CSNK2A2: variants seen among roughly 807,000 people sequenced by gnomAD.
CSNK2A2 encodes the protein casein kinase II subunit alpha'.
Under a neutral mutation model 54.0 loss-of-function variants are expected in CSNK2A2, and 8 were observed. That is an observed-to-expected ratio of 0.15 (90% confidence interval 0.09 to 0.27). The LOEUF (loss-of-function observed/expected upper bound fraction) is 0.27, where lower values mean the gene tolerates loss of function less well. CSNK2A2 is among the 10% of genes least tolerant of loss of function. The pLI, the probability that CSNK2A2 is intolerant of heterozygous loss-of-function variation, is 1.00. For missense variants in CSNK2A2, 242 were observed against 439.4 expected, an observed-to-expected ratio of 0.55 and a Z score of 4.02; for synonymous variants, 141 against 153.9, an observed-to-expected ratio of 0.92 and a Z score of 0.62.
intron 9 of CSNK2A2, among the ~76,000 whole-genome samples, chr16:58,166,167 A>G (rs950905929): frequency 7.2e-5 from 11 of 152,210 alleles, no homozygotes; most frequent in Admixed American, 6.5e-5. Flanking sequence ...AAAATTTGCT[A>G]TTGTATAGAA....
intron 2 of CSNK2A2, among the ~76,000 whole-genome samples, chr16:58,188,576 A>G (rs1305175178): frequency 1.3e-5 from 2 of 152,256 alleles, no homozygotes; most frequent in African/African-American, 2.4e-5. Context: ...CCTTTGCTAT[A>G]AAGAACATTA....
intron 2 of CSNK2A2, among the ~76,000 whole-genome samples, chr16:58,187,910 G>C (rs1287610694): frequency 1.3e-5 from 2 of 152,196 alleles, no homozygotes; most frequent in Non-Finnish European, 2.9e-5. Context: ...TGTGGCTAAC[G>C]GGAGAAACGT....
Position 58,197,690 on chromosome 16 carries a change from A to G in CSNK2A2, c.47T>C (p.Val16Ala). The G allele has an allele frequency of 1.3e-6, 2 of 1,562,006 alleles. No individual in the cohort carries two copies. Among genetic ancestry groups the G allele is most frequent in the Admixed American group, 1.8e-5 (1 of 55,242 alleles). The change falls in exon 1 of 12, where the codon GTG becomes GCG. Residue 16 changes from valine to alanine, a missense_variant. Val to Ala is a moderately conservative substitution (Grantham distance 64). This residue lies in a region of CSNK2A2 where 48 missense variants were observed against 55.4 expected (regional missense o/e 0.87). Transcript: ENST00000262506. The surrounding 1 kb of genome is among the most constrained non-coding windows in gnomAD (Gnocchi z 4.0). Reference protein sequence around the residue: ...AGSRARVYAEVNSLRSREYWD... With the variant: ...AGSRARVYAEANSLRSREYWD... ...GTACTCGCGGCTCCTCAGACTGTTC[A>G]CCTCGGCGTAGACCCGGGCCCTGCT...
chr16:58,171,972 TATATATA>T (rs1240012892), intron 5 of CSNK2A2, among the ~76,000 whole-genome samples: 3 of 33,928 alleles, frequency 8.8e-5, no homozygotes, highest in East Asian at 4.9e-4. Context: ...TATATATATA[TATATATA>T]TTTTTTTTTT....
chr16:58,167,898 A>G (rs1376345080), intron 6 of CSNK2A2, 103 bp from the exon 7 acceptor site: 23 of 877,390 alleles, frequency 2.6e-5, no homozygotes, highest in Non-Finnish European at 3.6e-5. Context: ...TGGCCACACA[A>G]AAAATGTGAG....
chr16:58,169,496 C>T (rs996859514), intron 5 of CSNK2A2, among the ~76,000 whole-genome samples: 2 of 151,978 alleles, frequency 1.3e-5, no homozygotes. Flanking sequence ...TGCCACTGCA[C>T]TCCAGCCTGG....
intron 2 of CSNK2A2, among the ~76,000 whole-genome samples, chr16:58,193,571 T>C (rs1962366380): frequency 1.3e-5 from 2 of 152,280 alleles, no homozygotes; most frequent in South Asian, 4.1e-4. Flanking sequence ...ATTCAAGAAA[T>C]AGCAGTTTAA....
chr16:58,164,445 T>C (rs1961502253), intron 10 of CSNK2A2, among the ~76,000 whole-genome samples: 1 of 152,208 alleles, frequency 6.6e-6, no homozygotes, highest in Admixed American at 6.5e-5. Context: ...TTATTTTCTT[T>C]CAATATTAAT....
At chr16:58,158,950 T>G (rs1961236385) in intron 11 of CSNK2A2, 1 of 152,184 alleles carries the variant, frequency 6.6e-6, no homozygotes, top group Non-Finnish European at 1.5e-5. Context: ...ATGCCGGCAG[T>G]GGAATTCTAG....
At chr16:58,190,951 C>T (rs1427477330) in intron 2 of CSNK2A2, among the ~76,000 whole-genome samples, 3 of 152,188 alleles carry the variant, frequency 2.0e-5, no homozygotes, top group African/African-American at 7.2e-5. Context: ...GCATTATTCA[C>T]AATAGCTAAA....
At chr16:58,182,384 A>AAAC (rs1962067852) in intron 4 of CSNK2A2, among the ~76,000 whole-genome samples, 2 of 133,166 alleles carry the variant, frequency 1.5e-5, no homozygotes, top group Non-Finnish European at 3.3e-5. Context: ...CAAAAAAAAA[A>AAAC]AAAAAAAAAA....
chr16:58,178,345 A>G (rs1209495445), intron 4 of CSNK2A2, among the ~76,000 whole-genome samples: 8 of 151,412 alleles, frequency 5.3e-5, no homozygotes, highest in African/African-American at 1.5e-4. Context: ...GTGCAATGGC[A>G]AGATCTCTGC....
chr16:58,172,128 C>G (rs998054417), intron 5 of CSNK2A2, among the ~76,000 whole-genome samples: 3 of 150,476 alleles, frequency 2.0e-5, no homozygotes, highest in African/African-American at 7.3e-5. Context: ...TGGCCAGCAA[C>G]TAAATTTTGA....
intron 4 of CSNK2A2, among the ~76,000 whole-genome samples, chr16:58,179,434 G>T (rs1019490509): frequency 6.6e-6 from 1 of 151,932 alleles, no homozygotes; most frequent in Non-Finnish European, 1.5e-5. Flanking sequence ...CCAGGAGGCG[G>T]AGGTTACAGT....
intron 4 of CSNK2A2, among the ~76,000 whole-genome samples, chr16:58,182,554 C>CAAAA (rs59002536): frequency 2.5e-5 from 2 of 80,648 alleles, no homozygotes; most frequent in African/African-American, 4.3e-5. Flanking sequence ...GGCTCCGTCT[C>CAAAA]AAAAAAAAAA....
intron 5 of CSNK2A2, among the ~76,000 whole-genome samples, chr16:58,172,289 T>G (rs1961766309): frequency 6.6e-6 from 1 of 152,156 alleles, no homozygotes; most frequent in African/African-American, 2.4e-5. Flanking sequence ...TACATTCTAC[T>G]TCAATTTTTT....
intron 2 of CSNK2A2, among the ~76,000 whole-genome samples, chr16:58,189,252 G>A (rs555125945): frequency 4.6e-5 from 7 of 152,168 alleles, no homozygotes; most frequent in East Asian, 3.9e-4. Context: ...AACTGCGCCC[G>A]GCCAAAGCTG....
Position 58,174,465 on chromosome 16 carries a change from ACATATAAAAC to A in CSNK2A2, c.405_414del (p.Phe136MetfsTer20). Reference sequence around the variant, plus strand: ...ACACCACTTACTTTAAGTAGTTCATACATATAAAACCGGATATCAAAGTCTGTCAGGATCT... The same window carrying A: ...ACACCACTTACTTTAAGTAGTTCATACGGATATCAAAGTCTGTCAGGATCT... On this transcript the variant is annotated frameshift_variant, in exon 5 of 12. Coordinates refer to ENST00000262506, the MANE Select transcript of CSNK2A2 (RefSeq NM_001896.4). LOFTEE classifies it high-confidence loss of function. The A allele has an allele frequency of 6.2e-7, 1 of 1,611,708 alleles. No homozygotes were observed. The highest frequency in any genetic ancestry group is 8.5e-7 in the Non-Finnish European group (1 of 1,178,848).
chr16:58,168,815 C>T, intron 5 of CSNK2A2, 122 bp from the exon 6 acceptor site: 1 of 718,234 alleles, frequency 1.4e-6, no homozygotes, highest in South Asian at 1.9e-5. Flanking sequence ...CAGCTTGCTG[C>T]CTGTAATGAA....
Sources: allele counts gnomAD v4.1 joint callset (sites outside exome capture counted in the v4.1 genomes callset), GRCh38; gene constraint gnomAD v4.1.1; regional missense constraint gnomAD v4.1.1; non-coding constraint Gnocchi (gnomAD v3.1); transcripts MANE v1.5; gene names NCBI Gene and HGNC (gene_info 2026-07-23, HGNC 2026-07-21).